Variants in ERC2 observed in about 807,000 individuals in gnomAD.
The protein encoded by ERC2 is ELKS/RAB6-interacting/CAST family member 2.
Under a neutral mutation model 114.8 loss-of-function variants are expected in ERC2, and 42 were observed. That is an observed-to-expected ratio of 0.37 (90% confidence interval 0.29 to 0.47). The LOEUF (loss-of-function observed/expected upper bound fraction) is 0.47, where lower values mean the gene tolerates loss of function less well. ERC2 is among the 20% of genes least tolerant of loss of function. The probability of loss-of-function intolerance (pLI) is 0.99; values close to 1 mark genes in which losing one functional copy is unlikely to be tolerated. For synonymous variants in ERC2, 454 were observed against 425.5 expected, an observed-to-expected ratio of 1.07 and a Z score of -0.82; for missense variants, 939 against 1,150.7, an observed-to-expected ratio of 0.82 and a Z score of 2.66.
intron 17 of ERC2, among the ~76,000 whole-genome samples, chr3:55,600,736 G>A (rs190714088): frequency 6.6e-6 from 1 of 152,324 alleles, no homozygotes; most frequent in South Asian, 2.1e-4. Context: ...AGAGAGCAGG[G>A]GAGCTCTGCA....
chr3:56,217,144 A>G (rs1212353677), intron 3 of ERC2, among the ~76,000 whole-genome samples: 2 of 152,216 alleles, frequency 1.3e-5, no homozygotes, highest in Non-Finnish European at 2.9e-5. Context: ...GGCCAGGGCA[A>G]TCAGTCAGGA....
At chr3:56,457,182 A>G (rs2063103709) in intron 1 of ERC2, among the ~76,000 whole-genome samples, 2 of 152,318 alleles carry the variant, frequency 1.3e-5, no homozygotes, top group South Asian at 2.1e-4. Flanking sequence ...TTTGAAACAC[A>G]ATGTGTACTC....
At chr3:55,750,899 C>T (rs1314686069) in intron 14 of ERC2, among the ~76,000 whole-genome samples, 1 of 152,166 alleles carries the variant, frequency 6.6e-6, no homozygotes, top group East Asian at 1.9e-4. Context: ...TTTATTGTGA[C>T]ATTCAGTAAT....
rs1197340240 is a variant in ERC2 at position 56,410,567 on chromosome 3, T to G, written c.657+23784A>C. ...GAAACAGAAACTCGAAAAGACCAAA[T>G]AGCTGGTTAGTGATGTCAAGAATTT... On this transcript the variant is annotated intron_variant, in intron 2 of 17. Transcript: ENST00000288221. Among the ~76,000 whole-genome samples the G allele has an allele frequency of 2.0e-5, 3 of 152,132 alleles. No homozygotes were observed. In the East Asian group the frequency reaches 5.8e-4, roughly 29 times the overall value.
chr3:56,052,453 C>G (rs964072127), intron 7 of ERC2, among the ~76,000 whole-genome samples: 7 of 152,188 alleles, frequency 4.6e-5, no homozygotes, highest in African/African-American at 1.7e-4. Flanking sequence ...TTATTGAAAC[C>G]CAGCCAATAT....
At chr3:55,844,474 T>C (rs1286018755) in intron 14 of ERC2, among the ~76,000 whole-genome samples, 4 of 152,190 alleles carry the variant, frequency 2.6e-5, no homozygotes, top group Admixed American at 2.6e-4. Context: ...TTCATTAACA[T>C]CCAGTTCAAA....
intron 16 of ERC2, among the ~76,000 whole-genome samples, chr3:55,687,713 C>A (rs2062407619): frequency 6.6e-6 from 1 of 152,188 alleles, no homozygotes; most frequent in Non-Finnish European, 1.5e-5. Context: ...AAACTTCAAG[C>A]CCCAGGACTT....
intron 14 of ERC2, among the ~76,000 whole-genome samples, chr3:55,864,269 A>G (rs1439731301): frequency 1.3e-5 from 2 of 148,826 alleles, no homozygotes; most frequent in Middle Eastern, 3.6e-3. Context: ...GTGTGTGTGT[A>G]TGTGTGTGTT....
At chr3:55,809,025 T>C (rs2059613306) in intron 14 of ERC2, among the ~76,000 whole-genome samples, 1 of 151,920 alleles carries the variant, frequency 6.6e-6, no homozygotes, top group Non-Finnish European at 1.5e-5. Context: ...ATAGCAGCTA[T>C]GTCCCCCAGT....
chr3:56,315,675 A>G (rs2056830126), intron 2 of ERC2, among the ~76,000 whole-genome samples: 1 of 152,140 alleles, frequency 6.6e-6, no homozygotes, highest in East Asian at 1.9e-4. Context: ...CTATATTTAA[A>G]CAAGGAATTG....
intron 2 of ERC2, among the ~76,000 whole-genome samples, chr3:56,345,907 C>A (rs781357401): frequency 2.0e-5 from 3 of 152,222 alleles, no homozygotes; most frequent in Admixed American, 6.5e-5. Context: ...CATACCCCAC[C>A]TGTTGGCTGT....
intron 3 of ERC2, among the ~76,000 whole-genome samples, chr3:56,266,455 A>T (rs80023584): frequency 6.6e-6 from 1 of 152,272 alleles, no homozygotes; most frequent in East Asian, 1.9e-4. Context: ...AAATGAGCAA[A>T]GGACCTAAAT....
chr3:55,646,382 A>G (rs1456388151), intron 17 of ERC2, among the ~76,000 whole-genome samples: 1 of 152,176 alleles, frequency 6.6e-6, no homozygotes, highest in Non-Finnish European at 1.5e-5. Context: ...CACTGTTTTG[A>G]CTGATGTAGC....
At chr3:55,812,269 G>A (rs911635283) in intron 14 of ERC2, among the ~76,000 whole-genome samples, 14 of 152,188 alleles carry the variant, frequency 9.2e-5, no homozygotes, top group African/African-American at 3.1e-4. Context: ...AGGGGACCTC[G>A]ACAACCACTT....
chr3:56,370,587 G>T (rs1312279860), intron 2 of ERC2, among the ~76,000 whole-genome samples: 165 of 138,444 alleles, frequency 1.2e-3, no homozygotes, highest in African/African-American at 2.8e-3. Flanking sequence ...TTTGGTGGGG[G>T]TTTTTTTGTT....
chr3:56,141,075 A>C (rs2080827518), intron 5 of ERC2, among the ~76,000 whole-genome samples: 1 of 152,172 alleles, frequency 6.6e-6, no homozygotes, highest in South Asian at 2.1e-4. Context: ...AATTTACATG[A>C]TCACAAGCAC....
At chr3:56,061,064 T>C (rs986885859) in intron 7 of ERC2, among the ~76,000 whole-genome samples, 1 of 152,220 alleles carries the variant, frequency 6.6e-6, no homozygotes, top group Non-Finnish European at 1.5e-5. Context: ...GGAATTCAAG[T>C]TGCTTGTTGC....
chr3:56,399,776 G>C (rs538385465), intron 2 of ERC2, among the ~76,000 whole-genome samples: 1 of 148,870 alleles, frequency 6.7e-6, no homozygotes, highest in African/African-American at 2.4e-5. Flanking sequence ...GAAAAAAAAA[G>C]GAACTTGGTT....
chr3:55,512,168 C>T (rs950641540), intron 17 of ERC2, among the ~76,000 whole-genome samples: 5 of 152,186 alleles, frequency 3.3e-5, no homozygotes, highest in African/African-American at 1.2e-4. Flanking sequence ...TTTCGAGTCA[C>T]GCCGACTAAC....
Sources: allele counts gnomAD v4.1 joint callset (sites outside exome capture counted in the v4.1 genomes callset), GRCh38; gene constraint gnomAD v4.1.1; transcripts MANE v1.5; gene names NCBI Gene and HGNC (gene_info 2026-07-23, HGNC 2026-07-21).